Variants in PGAP1 observed in about 807,000 individuals in gnomAD.
PGAP1 encodes the protein post-GPI attachment to proteins inositol deacylase 1, also known as GPI inositol-deacylase.
PGAP1 carries 76 observed loss-of-function variants against 127.0 expected under a neutral mutation model. That is an observed-to-expected ratio of 0.60 (90% confidence interval 0.50 to 0.72). The LOEUF is 0.72. Ranked by LOEUF, PGAP1 falls within the 30% of genes least tolerant of loss-of-function variation. The pLI is 0.00. For synonymous variants in PGAP1, 362 were observed against 366.5 expected (o/e 0.99, Z 0.14); for missense variants, 982 against 1,071.3 (o/e 0.92, Z 1.16).
chr2:196,922,583 C>G lies in PGAP1; in HGVS notation c.148-2433G>C, dbSNP rs13029074. On this transcript the variant is annotated intron_variant, in intron 1 of 26. Coordinates refer to ENST00000354764, the MANE Select transcript of PGAP1 (RefSeq NM_024989.4). ...GCTAACACACACACACACAGACACA[C>G]ACACACACACACACACACACACACA... is the stretch of plus-strand genomic sequence containing the variant. 9.3e-3 allele frequency: 5,018 copies of G among 537,010 alleles called. 18 individuals are homozygous for G. The highest frequency in any genetic ancestry group is 0.029 in the African/African-American group (1,064 of 36,120). The allele number at this position is 537,010 out of a possible 1,614,324, so 33.3% of individuals were successfully genotyped here.
rs778783204 is a variant in PGAP1 at position 196,872,995 on chromosome 2, A to G, written c.1584T>C (p.Ile528=). 9.5e-7 allele frequency: 1 copy of G among 1,054,178 alleles called. No individual in the cohort carries two copies. The highest frequency in any genetic ancestry group is 1.4e-6 in the Non-Finnish European group (1 of 713,600). The allele number at this position is 1,054,178 out of a possible 1,614,324, so 65.3% of individuals were successfully genotyped here. Residue 528 remains isoleucine (I), a synonymous_variant, in exon 17 of 27, where the codon ATT becomes ATC. Transcript: ENST00000354764. ...TTAGTGAATCTTCATAAGACCAAGGAATATGAAGTCTATAGATACTGGTTA... is the reference window on the plus strand; with the variant it reads ...TTAGTGAATCTTCATAAGACCAAGGGATATGAAGTCTATAGATACTGGTTA... ...EEITSIYRLH[I]PWSYEDSLTI... is the part of the protein sequence containing the mutation.
chr2:196,911,761 T>A (rs982511791), intron 4 of PGAP1, among the ~76,000 whole-genome samples: 1 of 152,178 alleles, frequency 6.6e-6, no homozygotes, highest in South Asian at 2.1e-4. Context: ...ATCTCTGGCT[T>A]TTTTTAACAA....
In PGAP1 at chr2:196,837,885, T is replaced by G. The variant is rs538648300; in HGVS notation, c.*3349A>C. The G allele has an allele frequency of 9.9e-5, 15 of 152,212 alleles. No individual in the cohort carries two copies. Among genetic ancestry groups the G allele is most frequent in the African/African-American group, 2.6e-4 (11 of 41,544 alleles). The allele number at this position is 152,212 out of a possible 1,614,324, so 9.4% of individuals were successfully genotyped here. On this transcript the variant is annotated 3_prime_UTR_variant, in exon 27 of 27. Coordinates refer to ENST00000354764, the MANE Select transcript of PGAP1 (RefSeq NM_024989.4). ...CAAAATATGAAAAAATAAAGATTAA[T>G]CAATACATGATCAATATATATTGAA... is the stretch of plus-strand genomic sequence containing the variant.
chr2:196,875,613 T>C (rs1260234337), intron 14 of PGAP1, 133 bp downstream of exon 14: 7 of 616,368 alleles, frequency 1.1e-5, no homozygotes, highest in African/African-American at 1.9e-5. Flanking sequence ...ATAAAACCAC[T>C]GAACCACATC....
chr2:196,881,185 G>T lies in PGAP1; in HGVS notation c.1273-1032C>A, dbSNP rs1701719765. 2.6e-5 allele frequency among the ~76,000 whole-genome samples: 4 copies of T among 152,232 alleles called. No homozygotes were observed. In the South Asian group the frequency reaches 6.2e-4, roughly 24 times the overall value. On this transcript the variant is annotated intron_variant, in intron 12 of 26. Transcript: ENST00000354764. The stretch of plus-strand genomic sequence containing the variant: ...GGCCTCCAGTTCCATCCATGTTACT[G>T]CAAAGAACATGATCTCATTCTTTTT...
chr2:196,922,387 T>G (rs1703224653), intron 1 of PGAP1: 1 of 984,452 alleles, frequency 1.0e-6, no homozygotes, highest in Admixed American at 6.2e-5. Flanking sequence ...CTTCACATAG[T>G]TTTTAAGTTC....
At chr2:196,919,741 T>C (rs960579788) in intron 2 of PGAP1, among the ~76,000 whole-genome samples, 5 of 152,206 alleles carry the variant, frequency 3.3e-5, no homozygotes, top group African/African-American at 1.2e-4. Flanking sequence ...CCCTTTATCA[T>C]CTACTTATCC....
At chr2:196,892,569 C>T (rs777837626) in intron 8 of PGAP1, among the ~76,000 whole-genome samples, 168 bp from the exon 9 acceptor site, 5 of 152,066 alleles carry the variant, frequency 3.3e-5, no homozygotes, top group African/African-American at 1.2e-4. Flanking sequence ...TCTATACACT[C>T]ATCACCAACT....
intron 2 of PGAP1, among the ~76,000 whole-genome samples, chr2:196,917,147 A>G (rs1294372812): frequency 1.3e-5 from 2 of 151,840 alleles, no homozygotes; most frequent in African/African-American, 4.8e-5. Context: ...TATCTGAACT[A>G]CTCTAACAGG....
chr2:196,871,964 T>C (rs893339480), intron 18 of PGAP1, among the ~76,000 whole-genome samples: 8 of 152,264 alleles, frequency 5.3e-5, no homozygotes, highest in African/African-American at 1.9e-4. Flanking sequence ...AGATGTACTT[T>C]GATTACAAAA....
intron 13 of PGAP1, among the ~76,000 whole-genome samples, chr2:196,878,124 T>C (rs1701620848): frequency 6.6e-6 from 1 of 152,020 alleles, no homozygotes; most frequent in African/African-American, 2.4e-5. Context: ...AAAATCACCA[T>C]TCTTTTCTTT....
chr2:196,859,396 A>G (rs1249323682), intron 20 of PGAP1, among the ~76,000 whole-genome samples: 1 of 152,182 alleles, frequency 6.6e-6, no homozygotes, highest in Non-Finnish European at 1.5e-5. Context: ...AAAAACAAGC[A>G]TGGGACCTGA....
intron 12 of PGAP1, among the ~76,000 whole-genome samples, chr2:196,883,821 C>T (rs1559352811): frequency 6.6e-6 from 1 of 152,150 alleles, no homozygotes; most frequent in Non-Finnish European, 1.5e-5. Flanking sequence ...ATGGCTAATA[C>T]ATATTACATT....
rs558902797 is a variant in PGAP1, at chr2:196,878,671, C to T, written c.1350+1405G>A. 8.5e-5 allele frequency among the ~76,000 whole-genome samples: 13 copies of T among 152,334 alleles called. No homozygotes were observed. In the South Asian group the frequency reaches 1.9e-3, roughly 22 times the overall value. On this transcript the variant is annotated intron_variant, in intron 13 of 26. Coordinates refer to ENST00000354764, the MANE Select transcript of PGAP1 (RefSeq NM_024989.4). ...TAAAAATCTTATGGCTTCCTACTGA[C>T]TTCTGAATTCCATAAAGTCCTGAAT...
intron 20 of PGAP1, among the ~76,000 whole-genome samples, chr2:196,862,336 T>C (rs1224734381): frequency 3.9e-5 from 6 of 152,110 alleles, no homozygotes; most frequent in Non-Finnish European, 8.8e-5. Context: ...CTAATAAATT[T>C]TGATCAGACC....
At chr2:196,899,984 G>A (rs1210657301) in intron 5 of PGAP1, among the ~76,000 whole-genome samples, 4 of 152,242 alleles carry the variant, frequency 2.6e-5, no homozygotes, top group Non-Finnish European at 4.4e-5. Context: ...GTTGCAGTGA[G>A]CTGAGATTGT....
At chr2:196,882,852 C>G (rs1701774799) in intron 12 of PGAP1, among the ~76,000 whole-genome samples, 1 of 152,160 alleles carries the variant, frequency 6.6e-6, no homozygotes, top group South Asian at 2.1e-4. Flanking sequence ...ATTTCTTTCT[C>G]TTGCCTGATT....
Position 196,834,809 on chromosome 2 carries a change from C to G in PGAP1, c.*6425G>C, listed in dbSNP as rs906576921. ...ATCTCCTACTTAGAATACAATTATT[C>G]AACACAAAAGATGAACTCATTTCAA... is the stretch of plus-strand genomic sequence containing the variant. On this transcript the variant is annotated 3_prime_UTR_variant, in exon 27 of 27. Transcript: ENST00000354764. The G allele has an allele frequency of 1.3e-5, 2 of 151,824 alleles. No homozygotes were observed. Among genetic ancestry groups the G allele is most frequent in the African/African-American group, 4.8e-5 (2 of 41,392 alleles). 9.4% of individuals were successfully genotyped at this position (151,824 alleles called of 1,614,324 possible).
chr2:196,889,623 G>A (rs752370527), intron 10 of PGAP1, among the ~76,000 whole-genome samples: 1 of 151,834 alleles, frequency 6.6e-6, no homozygotes, highest in Non-Finnish European at 1.5e-5. Context: ...TTGGGAGGCC[G>A]AGGCGGGCGG....
Sources: gnomAD v4.1 joint callset for allele counts (sites outside exome capture counted in the v4.1 genomes callset) on GRCh38, gnomAD v4.1.1 for gene constraint, MANE v1.5 for transcripts, NCBI Gene and HGNC (gene_info 2026-07-23, HGNC 2026-07-21) for gene names.